UGGT2: variants seen among roughly 807,000 people sequenced by gnomAD.
UGGT2 encodes the protein UDP-glucose:glycoprotein glucosyltransferase 2.
Under a neutral mutation model 192.1 loss-of-function variants are expected in UGGT2, and 180 were observed. That is an observed-to-expected ratio of 0.94 (90% CI 0.83 to 1.06). UGGT2 has a LOEUF of 1.06. Among genes scored for constraint, UGGT2 ranks in the 50% least tolerant of loss-of-function variants. UGGT2 has a pLI of 0.00. For missense variants in UGGT2, 1,849 were observed against 1,795.7 expected, an observed-to-expected ratio of 1.03 and a Z score of -0.54; for synonymous variants, 580 against 591.0, an observed-to-expected ratio of 0.98 and a Z score of 0.27.
At chr13:96,053,012 G>C in intron 1 of UGGT2, 143 bp downstream of exon 1, 1 of 1,160,026 alleles carries the variant, frequency 8.6e-7, no homozygotes, top group Non-Finnish European at 1.1e-6. Context: ...GGGAAGGAAG[G>C]AGGTGGTGAT....
chr13:95,988,551 AG>A (rs1371014990), intron 8 of UGGT2, among the ~76,000 whole-genome samples: 1 of 152,162 alleles, frequency 6.6e-6, no homozygotes, highest in African/African-American at 2.4e-5. Flanking sequence ...AGATTCTATC[AG>A]TTCAAAGAGG....
At chr13:95,842,536 G>A (rs1036133562) in intron 36 of UGGT2, among the ~76,000 whole-genome samples, 1 of 151,918 alleles carries the variant, frequency 6.6e-6, no homozygotes, top group African/African-American at 2.4e-5. Context: ...CTGACTTCTG[G>A]TATCCATTCT....
chr13:95,923,759 A>G (rs926056496), intron 20 of UGGT2, among the ~76,000 whole-genome samples: 5 of 152,214 alleles, frequency 3.3e-5, no homozygotes, highest in Non-Finnish European at 5.9e-5. Flanking sequence ...GTTTAACATT[A>G]TAAGAAAATA....
At chr13:95,813,229 GA>G (rs1884662857) in intron 38 of UGGT2, among the ~76,000 whole-genome samples, 1 of 152,182 alleles carries the variant, frequency 6.6e-6, no homozygotes, top group Admixed American at 6.5e-5. Context: ...GAAGATAAAG[GA>G]AAGTTTGGAA....
intron 5 of UGGT2, among the ~76,000 whole-genome samples, chr13:96,009,808 A>G (rs2052099332): frequency 7.0e-6 from 1 of 141,890 alleles, no homozygotes; most frequent in Non-Finnish European, 1.6e-5. Flanking sequence ...CTCTGTCTAA[A>G]ATAAATAAAT....
Position 95,995,985 on chromosome 13 carries a change from G to A in UGGT2, c.830+78C>T, listed in dbSNP as rs941441368. 1.1e-5 allele frequency: 14 copies of A among 1,256,390 alleles called. No homozygotes were observed. The African/African-American group carries it at 1.9e-4, about 17-fold the overall frequency. The allele number at this position is 1,256,390 out of a possible 1,614,324, so 77.8% of individuals were successfully genotyped here. ...TACATAAAAGAAAGGTGAAGCATATGGCAAAACAGTATATCAAATTAATTC... is the reference window on the plus strand; with the variant it reads ...TACATAAAAGAAAGGTGAAGCATATAGCAAAACAGTATATCAAATTAATTC... On this transcript the variant is annotated intron_variant, in intron 7 of 38. Transcript: ENST00000376747.
intron 16 of UGGT2, among the ~76,000 whole-genome samples, chr13:95,939,245 T>C (rs998151437): frequency 2.6e-5 from 4 of 152,212 alleles, no homozygotes; most frequent in African/African-American, 9.6e-5. Flanking sequence ...AATGTTAATC[T>C]CTTACAACCC....
intron 10 of UGGT2, among the ~76,000 whole-genome samples, chr13:95,974,262 GTTAA>G (rs2050868070): frequency 6.6e-6 from 1 of 152,186 alleles, no homozygotes; most frequent in Admixed American, 6.5e-5. Flanking sequence ...GCCTATCAAA[GTTAA>G]TTAAGAAATC....
rs2051540513 is a variant in UGGT2, at chr13:95,994,032, G to C, written c.830+2031C>G. Among the ~76,000 whole-genome samples the C allele has an allele frequency of 3.3e-5, 5 of 152,074 alleles. No homozygotes were observed. The South Asian group carries it at 1.0e-3, about 32-fold the overall frequency. On this transcript the variant is annotated intron_variant, in intron 7 of 38. Coordinates refer to ENST00000376747, the MANE Select transcript of UGGT2 (RefSeq NM_020121.4). ...TATGTATATGAAATGGTAATCTGTA[G>C]TACAGAAAATTTGAGTAATAAACGT...
Position 95,931,631 on chromosome 13 carries a change from C to A in UGGT2, c.1978-4295G>T, listed in dbSNP as rs574297304. The stretch of plus-strand genomic sequence containing the variant: ...ACCCAGGGGGAGGCAGATGAGGCAG[C>A]GAGAATTCGAGCACAGTGCTGGCCC... On this transcript the variant is annotated intron_variant, in intron 17 of 38. Coordinates refer to ENST00000376747, the MANE Select transcript of UGGT2 (RefSeq NM_020121.4). Among the ~76,000 whole-genome samples, 3 of 152,170 alleles carry A rather than the reference C, an allele frequency of 2.0e-5. No individual in the cohort carries two copies. In the South Asian group the frequency reaches 6.2e-4, roughly 32 times the overall value.
intron 38 of UGGT2, among the ~76,000 whole-genome samples, chr13:95,803,337 C>T (rs529224188): frequency 4.0e-5 from 6 of 150,468 alleles, no homozygotes; most frequent in East Asian, 2.0e-4. Flanking sequence ...CTCAGCTCAC[C>T]GCAACCTCCG....
chr13:96,019,512 T>C (rs777940983), intron 4 of UGGT2, among the ~76,000 whole-genome samples: 1 of 151,564 alleles, frequency 6.6e-6, no homozygotes, highest in Admixed American at 6.6e-5. Flanking sequence ...GAAAAGGCCA[T>C]GGTAAAGAGC....
intron 33 of UGGT2, among the ~76,000 whole-genome samples, chr13:95,857,895 G>C (rs1414683896): frequency 6.6e-6 from 1 of 151,706 alleles, no homozygotes; most frequent in Non-Finnish European, 1.5e-5. Context: ...AGTTTATTTG[G>C]GTTAAATACT....
At chr13:96,021,208 C>CTTGCAT (rs2052505460) in intron 4 of UGGT2, among the ~76,000 whole-genome samples, 1 of 152,190 alleles carries the variant, frequency 6.6e-6, no homozygotes, top group East Asian at 1.9e-4. Context: ...TGGTCAGGAC[C>CTTGCAT]TTGCATTTTT....
chr13:95,879,567 C>T (rs1377286975), intron 27 of UGGT2, among the ~76,000 whole-genome samples: 1 of 152,182 alleles, frequency 6.6e-6, no homozygotes, highest in African/African-American at 2.4e-5. Flanking sequence ...TCCCGAGTAG[C>T]TAGGATTACA....
intron 5 of UGGT2, among the ~76,000 whole-genome samples, chr13:96,012,349 A>G (rs561402760): frequency 4.0e-4 from 61 of 152,066 alleles, no homozygotes; most frequent in Non-Finnish European, 7.4e-4. Flanking sequence ...GAATGTCCTT[A>G]TAACAGCATA....
At chr13:95,809,743 C>T (rs1194687314) in intron 38 of UGGT2, 1 of 155,336 alleles carries the variant, frequency 6.4e-6, no homozygotes, top group Non-Finnish European at 1.4e-5. Flanking sequence ...AGCTGCTTCT[C>T]CTATTATCTT....
intron 12 of UGGT2, among the ~76,000 whole-genome samples, chr13:95,954,176 T>C (rs780543225): frequency 2.6e-5 from 4 of 152,230 alleles, no homozygotes; most frequent in Non-Finnish European, 4.4e-5. Flanking sequence ...CTTCAGTCTA[T>C]GGGCATAAGG....
intron 36 of UGGT2, among the ~76,000 whole-genome samples, chr13:95,838,055 T>C (rs1223819940): frequency 6.6e-6 from 1 of 151,940 alleles, no homozygotes; most frequent in Non-Finnish European, 1.5e-5. Context: ...ATGCAGAAAA[T>C]CCCAAGAATC....
Sources: gnomAD v4.1 joint callset for allele counts (sites outside exome capture counted in the v4.1 genomes callset) on GRCh38, gnomAD v4.1.1 for gene constraint, MANE v1.5 for transcripts, NCBI Gene and HGNC (gene_info 2026-07-23, HGNC 2026-07-21) for gene names.